The following ENPP2 variants were observed in gnomAD, a reference collection of about 807,000 sequenced individuals.
ENPP2 encodes the protein ectonucleotide pyrophosphatase/phosphodiesterase 2.
A neutral mutation model predicts 120.2 loss-of-function variants in ENPP2; 51 were observed. That is an observed-to-expected ratio of 0.42 (90% CI 0.34 to 0.54). ENPP2 has a LOEUF of 0.54. Ranked by LOEUF, ENPP2 falls within the 20% of genes least tolerant of loss-of-function variation. The pLI is 0.04. For synonymous variants in ENPP2, 365 were observed against 366.4 expected (o/e 1.00, Z 0.04); for missense variants, 920 against 1,066.5 (o/e 0.86, Z 1.91).
At chr8:119,647,051 G>A (rs1323399599) in intron 1 of ENPP2, among the ~76,000 whole-genome samples, 1 of 149,846 alleles carries the variant, frequency 6.7e-6, no homozygotes, top group Non-Finnish European at 1.5e-5. Context: ...AGGCTGGAGT[G>A]CAGTGGCACA....
intron 3 of ENPP2, among the ~76,000 whole-genome samples, chr8:119,624,764 T>C (rs1476140360): frequency 6.6e-6 from 1 of 152,222 alleles, no homozygotes; most frequent in Non-Finnish European, 1.5e-5. Flanking sequence ...AGAGTATACA[T>C]GCACACATAG....
In ENPP2 at chr8:119,582,499, G is replaced by A; in HGVS notation, c.1647C>T (p.Thr549=). Residue 549 remains threonine (T), a synonymous_variant, in exon 18 of 25, where the codon ACC becomes ACT. Coordinates refer to ENST00000075322, the MANE Select transcript of ENPP2 (RefSeq NM_001040092.3). ...ACATAATCCCTGGATAATTGGGTCT[G>A]GTAACTTCCTCTGGCATGGTTGGCC... ...TFRPTMPEEV[T]RPNYPGIMYL... is the part of the protein sequence containing the mutation. 1 of 1,614,028 alleles carries A rather than the reference G, an allele frequency of 6.2e-7. No individual in the cohort carries two copies. The highest frequency in any genetic ancestry group is 1.3e-5 in the African/African-American group (1 of 75,046).
At chr8:119,603,783 G>A (rs1814485098) in intron 9 of ENPP2, among the ~76,000 whole-genome samples, 2 of 152,128 alleles carry the variant, frequency 1.3e-5, no homozygotes, top group African/African-American at 4.8e-5. Flanking sequence ...TAAGGCATTT[G>A]TGTAAACGTA....
At chr8:119,662,047 G>T (rs996942791) in intron 1 of ENPP2, among the ~76,000 whole-genome samples, 1 of 151,992 alleles carries the variant, frequency 6.6e-6, no homozygotes. Context: ...ATGGTCAAAG[G>T]GTACAAAGTT....
At chr8:119,642,449 T>C (rs1235100492), upstream of ENPP2, among the ~76,000 whole-genome samples, 1 of 152,218 alleles carries the variant, frequency 6.6e-6, no homozygotes, top group Non-Finnish European at 1.5e-5. Flanking sequence ...ACATAAAGCC[T>C]TTGTCTAATA....
At chr8:119,626,847 T>C (rs1279624948) in intron 2 of ENPP2, 127 bp from the exon 3 acceptor site, 2 of 805,734 alleles carry the variant, frequency 2.5e-6, no homozygotes, top group African/African-American at 3.4e-5. Context: ...GCTCCATTAC[T>C]TACTACCCAT....
chr8:119,651,610 G>A (rs1817629490), intron 1 of ENPP2, among the ~76,000 whole-genome samples: 1 of 152,134 alleles, frequency 6.6e-6, no homozygotes, highest in South Asian at 2.1e-4. Context: ...AAAGGCAGAG[G>A]ATCTAGTAAA....
intron 24 of ENPP2, among the ~76,000 whole-genome samples, chr8:119,561,809 G>A (rs1281219580): frequency 6.6e-6 from 1 of 151,708 alleles, no homozygotes; most frequent in Non-Finnish European, 1.5e-5. Flanking sequence ...GTGTGTGTGT[G>A]TGTGTTTGTG....
At chr8:119,657,439 C>T (rs1248267523) in intron 1 of ENPP2, among the ~76,000 whole-genome samples, 2 of 152,222 alleles carry the variant, frequency 1.3e-5, no homozygotes, top group African/African-American at 2.4e-5. Context: ...GAGATTTCAT[C>T]TCCATCATCT....
At chr8:119,627,677 C>A (rs1816376142) in intron 2 of ENPP2, among the ~76,000 whole-genome samples, 1 of 151,964 alleles carries the variant, frequency 6.6e-6, no homozygotes, top group Non-Finnish European at 1.5e-5. Flanking sequence ...GCCTGGCCAA[C>A]ACAGTAAAAC....
intron 1 of ENPP2, among the ~76,000 whole-genome samples, chr8:119,644,360 T>C (rs1225443026): frequency 6.6e-6 from 1 of 151,470 alleles, no homozygotes; most frequent in Non-Finnish European, 1.5e-5. Flanking sequence ...GAACTGGATA[T>C]GGGAGTTGAG....
At chr8:119,603,559 G>A (rs544586495) in intron 9 of ENPP2, among the ~76,000 whole-genome samples, 2 of 152,182 alleles carry the variant, frequency 1.3e-5, no homozygotes, top group South Asian at 4.1e-4. Flanking sequence ...TGATGCCTCT[G>A]GAAAACGAGG....
At chr8:119,644,579 A>C (rs1817373917) in intron 1 of ENPP2, among the ~76,000 whole-genome samples, 1 of 103,934 alleles carries the variant, frequency 9.6e-6, no homozygotes, top group African/African-American at 3.1e-5. Flanking sequence ...GTGACTGGAG[A>C]TTACTAAAAT....
At chr8:119,600,584 T>C in intron 11 of ENPP2, 94 bp downstream of exon 11, 1 of 790,400 alleles carries the variant, frequency 1.3e-6, no homozygotes. Flanking sequence ...GATACAAACA[T>C]CCATCCAGAC....
chr8:119,639,330 G>C (rs577989179), upstream of ENPP2, among the ~76,000 whole-genome samples: 10 of 152,044 alleles, frequency 6.6e-5, no homozygotes, highest in South Asian at 2.1e-3. Context: ...TATTTATTTT[G>C]CTGGCAGTTT....
At chr8:119,633,659 T>G (rs1816818483) in intron 2 of ENPP2, among the ~76,000 whole-genome samples, 1 of 152,076 alleles carries the variant, frequency 6.6e-6, no homozygotes, top group Non-Finnish European at 1.5e-5. Context: ...TTTGCCATTT[T>G]TTATTGATGC....
intron 1 of ENPP2, among the ~76,000 whole-genome samples, chr8:119,663,113 T>C (rs1817969860): frequency 2.4e-5 from 3 of 125,650 alleles, no homozygotes; most frequent in Non-Finnish European, 5.1e-5. Flanking sequence ...TGAGAGACTC[T>C]TGTCTCAAAA....
intron 3 of ENPP2, among the ~76,000 whole-genome samples, chr8:119,622,747 A>T (rs918320358): frequency 1.3e-5 from 2 of 152,148 alleles, no homozygotes; most frequent in African/African-American, 4.8e-5. Context: ...GAACTACTCT[A>T]TTGAGAACTT....
intron 1 of ENPP2, among the ~76,000 whole-genome samples, chr8:119,644,180 C>T (rs1817363069): frequency 6.6e-6 from 1 of 152,012 alleles, no homozygotes; most frequent in Non-Finnish European, 1.5e-5. Flanking sequence ...AAGCATTAAT[C>T]TCTGCACGGT....
Sources: allele counts gnomAD v4.1 joint callset (sites outside exome capture counted in the v4.1 genomes callset), GRCh38; gene constraint gnomAD v4.1.1; transcripts MANE v1.5; gene names NCBI Gene and HGNC (gene_info 2026-07-23, HGNC 2026-07-21).